Variants in RABGAP1L observed in about 807,000 individuals in gnomAD.
RABGAP1L encodes the protein RAB GTPase activating protein 1 like, also known as rab GTPase-activating protein 1-like.
Under a neutral mutation model 137.7 loss-of-function variants are expected in RABGAP1L, and 63 were observed. The observed-to-expected ratio is 0.46, with a 90% CI of 0.37 to 0.56. The LOEUF is 0.56. RABGAP1L is among the 20% of genes least tolerant of loss of function. The pLI, the probability that RABGAP1L is intolerant of heterozygous loss-of-function variation, is 0.00. For missense variants in RABGAP1L, 1,095 were observed against 1,244.0 expected (o/e 0.88, Z 1.80); for synonymous variants, 431 against 433.7 (o/e 0.99, Z 0.08).
intron 13 of RABGAP1L, among the ~76,000 whole-genome samples, chr1:174,617,774 C>G (rs934405396): frequency 7.9e-5 from 12 of 152,190 alleles, no homozygotes; most frequent in African/African-American, 2.7e-4. Flanking sequence ...CAGCTCCAGT[C>G]TACATCTCCC....
intron 18 of RABGAP1L, among the ~76,000 whole-genome samples, chr1:174,802,548 GGTGA>G (rs1185451644): frequency 6.6e-6 from 1 of 152,136 alleles, no homozygotes; most frequent in Non-Finnish European, 1.5e-5. Flanking sequence ...CAGAGATTGC[GGTGA>G]GCTGAGATCG....
In RABGAP1L at chr1:174,614,153, C is replaced by T. The variant is rs543226777; in HGVS notation, c.1711-23222C>T. Among the ~76,000 whole-genome samples the T allele has an allele frequency of 1.1e-3, 174 of 152,190 alleles. 1 individual carries two copies. The highest frequency in any genetic ancestry group is 4.1e-3 in the African/African-American group (170 of 41,516). On this transcript the variant is annotated intron_variant, in intron 13 of 25. Transcript: ENST00000681986. ...AGTTGATGCAGTTTCTTCCTAGCCT[C>T]GATGGTCTTTACAATTTGGCATGAT...
At chr1:174,283,477 G>A (rs1675758878) in intron 10 of RABGAP1L, among the ~76,000 whole-genome samples, 1 of 151,698 alleles carries the variant, frequency 6.6e-6, no homozygotes. Context: ...ATATGTAAAT[G>A]ATTTTGGGAA....
At chr1:174,748,905 G>A (rs369292921) in intron 17 of RABGAP1L, among the ~76,000 whole-genome samples, 149 of 151,612 alleles carry the variant, frequency 9.8e-4, no homozygotes, top group African/African-American at 3.3e-3. Context: ...GTCCGGGTGC[G>A]CTGGCTCACA....
At chr1:174,978,934 C>A in intron 23 of RABGAP1L, 44 bp downstream of exon 23, 1 of 1,447,424 alleles carries the variant, frequency 6.9e-7, no homozygotes, top group Admixed American at 3.1e-5. Context: ...TAGTTTGCTG[C>A]TATAAAAGTA....
At chr1:174,612,893 G>A (rs541805905) in intron 13 of RABGAP1L, among the ~76,000 whole-genome samples, 11 of 151,722 alleles carry the variant, frequency 7.3e-5, no homozygotes, top group Non-Finnish European at 1.2e-4. Flanking sequence ...CTGTGGGATC[G>A]GTGGTGATAT....
At chr1:174,376,285 C>T (rs943421598) in intron 12 of RABGAP1L, among the ~76,000 whole-genome samples, 1 of 151,974 alleles carries the variant, frequency 6.6e-6, no homozygotes, top group African/African-American at 2.4e-5. Flanking sequence ...TATATAAATT[C>T]TACATAAACT....
chr1:174,764,552 G>T (rs1558056161), intron 18 of RABGAP1L, among the ~76,000 whole-genome samples: 1 of 152,166 alleles, frequency 6.6e-6, no homozygotes, highest in Non-Finnish European at 1.5e-5. Context: ...TGCTCCTGTG[G>T]ATAAGGTTTC....
At chr1:174,277,450 A>G (rs1675096731) in intron 9 of RABGAP1L, among the ~76,000 whole-genome samples, 1 of 151,768 alleles carries the variant, frequency 6.6e-6, no homozygotes, top group African/African-American at 2.4e-5. Flanking sequence ...CACCTAGTTT[A>G]GTTTTATTTT....
At chr1:174,343,043 AT>A (rs949800793) in intron 11 of RABGAP1L, among the ~76,000 whole-genome samples, 1 of 152,006 alleles carries the variant, frequency 6.6e-6, no homozygotes, top group East Asian at 1.9e-4. Flanking sequence ...CTAGCCAGAA[AT>A]TTTTTTTAAC....
At chr1:174,842,795 C>T (rs1409980523) in intron 19 of RABGAP1L, among the ~76,000 whole-genome samples, 1 of 152,186 alleles carries the variant, frequency 6.6e-6, no homozygotes, top group African/African-American at 2.4e-5. Context: ...TTTCTCTCGT[C>T]TCTCAACTAG....
intron 13 of RABGAP1L, among the ~76,000 whole-genome samples, chr1:174,413,164 C>G (rs892990951): frequency 6.6e-6 from 1 of 151,892 alleles, no homozygotes; most frequent in Non-Finnish European, 1.5e-5. Flanking sequence ...TTTAAAAATT[C>G]TTTTTTCTTT....
chr1:174,464,504 T>C (rs1042583773), intron 13 of RABGAP1L, among the ~76,000 whole-genome samples: 7 of 152,220 alleles, frequency 4.6e-5, no homozygotes, highest in Non-Finnish European at 7.3e-5. Flanking sequence ...CTGAACAATT[T>C]CAAAGGAAAA....
intron 17 of RABGAP1L, among the ~76,000 whole-genome samples, chr1:174,741,172 G>T (rs1167558612): frequency 9.2e-5 from 14 of 151,652 alleles, no homozygotes; most frequent in African/African-American, 3.4e-4. Flanking sequence ...AACCAGGAGA[G>T]GGTTCCCTAG....
rs1183867993 is a variant in RABGAP1L, at chr1:174,834,424, CT to C, written c.2340+22465del. Among the ~76,000 whole-genome samples, 9 of 99,206 alleles carry C rather than the reference CT, an allele frequency of 9.1e-5. No individual in the cohort carries two copies. The East Asian group carries it at 3.5e-3, about 39-fold the overall frequency. The allele number at this position is 99,206 out of a possible 152,430, so 65.1% of individuals were successfully genotyped here. A position where few individuals can be genotyped will look rare whatever the true frequency, so the allele number is the denominator to read the frequency against. ...CTGGGCAACAAGAGTGAAACTCCGTCTGAAAAAAAAAAAAAAAAGTAAATTC... is the reference window on the plus strand; with the variant it reads ...CTGGGCAACAAGAGTGAAACTCCGTCGAAAAAAAAAAAAAAAAGTAAATTC... On this transcript the variant is annotated intron_variant, in intron 19 of 25. Transcript: ENST00000681986.
At chr1:174,294,588 T>G (rs1445571473) in intron 10 of RABGAP1L, among the ~76,000 whole-genome samples, 1 of 152,170 alleles carries the variant, frequency 6.6e-6, no homozygotes, top group Non-Finnish European at 1.5e-5. Context: ...CTCTAGATTT[T>G]TAATTGAGAA....
intron 19 of RABGAP1L, among the ~76,000 whole-genome samples, chr1:174,907,799 T>G (rs1659358837): frequency 1.3e-5 from 2 of 152,164 alleles, no homozygotes; most frequent in Non-Finnish European, 2.9e-5. Flanking sequence ...ACAAGTGGCA[T>G]TAGTAAATCC....
In RABGAP1L at chr1:174,863,268, G is replaced by A. The variant is rs78221114; in HGVS notation, c.2340+51308G>A. On this transcript the variant is annotated intron_variant, in intron 19 of 25. Coordinates refer to ENST00000681986, the MANE Select transcript of RABGAP1L (RefSeq NM_001366446.1). Reference sequence around the variant, plus strand: ...AAAAAAGAAAAACAGTATATTTAATGGGAACTTCTTTTTTCTCCCTTCAAC... The same window carrying A: ...AAAAAAGAAAAACAGTATATTTAATAGGAACTTCTTTTTTCTCCCTTCAAC... Among the ~76,000 whole-genome samples the A allele has an allele frequency of 1.9e-3, 263 of 141,884 alleles. 3 individuals carry two copies. In the East Asian group the frequency reaches 0.041, roughly 22 times the overall value. 93.1% of individuals were successfully genotyped at this position (141,884 alleles called of 152,430 possible).
chr1:174,587,396 A>T (rs1230906607), intron 13 of RABGAP1L, among the ~76,000 whole-genome samples: 1 of 151,818 alleles, frequency 6.6e-6, no homozygotes, highest in Non-Finnish European at 1.5e-5. Flanking sequence ...ATACATATGT[A>T]ACTAACCTGC....
Sources: allele counts gnomAD v4.1 joint callset (sites outside exome capture counted in the v4.1 genomes callset), GRCh38; gene constraint gnomAD v4.1.1; transcripts MANE v1.5; gene names NCBI Gene and HGNC (gene_info 2026-07-23, HGNC 2026-07-21).